ARID1B: variants seen among roughly 807,000 people sequenced by gnomAD.
The protein encoded by ARID1B is AT-rich interaction domain 1B, also known as AT-rich interactive domain-containing protein 1B.
In ARID1B, 30 loss-of-function variants were observed where a neutral mutation model predicts 212.3. That is an observed-to-expected ratio of 0.14 (90% CI 0.11 to 0.19). ARID1B has a LOEUF of 0.19. Among genes scored for constraint, ARID1B ranks in the 10% least tolerant of loss-of-function variants. The probability of loss-of-function intolerance (pLI) is 1.00; values close to 1 mark genes in which losing one functional copy is unlikely to be tolerated. For synonymous variants in ARID1B, 1,402 were observed against 1,301.7 expected, an observed-to-expected ratio of 1.08 and a Z score of -1.66; for missense variants, 2,891 against 3,204.0, an observed-to-expected ratio of 0.90 and a Z score of 2.36.
intron 5 of ARID1B, among the ~76,000 whole-genome samples, chr6:157,092,812 A>G (rs1347975890): frequency 6.6e-6 from 1 of 152,158 alleles, no homozygotes; most frequent in Non-Finnish European, 1.5e-5. Flanking sequence ...TCACCAAGGC[A>G]ATATTATGTG....
upstream of ARID1B, chr6:156,776,953 C>G (rs1158493773): frequency 1.3e-5 from 2 of 152,246 alleles, no homozygotes; most frequent in Non-Finnish European, 1.5e-5. Flanking sequence ...AGAGACCGTG[C>G]TTTTGCAGAT....
chr6:156,946,876 TA>T (rs1374271488), intron 4 of ARID1B, among the ~76,000 whole-genome samples: 1 of 152,210 alleles, frequency 6.6e-6, no homozygotes, highest in African/African-American at 2.4e-5. Context: ...CTGTAACATC[TA>T]AAAGGAAGCA....
chr6:157,111,738 G>A (rs373906370), intron 6 of ARID1B, among the ~76,000 whole-genome samples: 14 of 151,762 alleles, frequency 9.2e-5, no homozygotes, highest in East Asian at 5.8e-4. Context: ...TGTTTCAGAG[G>A]GATAAAATGA....
intron 6 of ARID1B, among the ~76,000 whole-genome samples, chr6:157,125,144 A>G (rs1788052348): frequency 6.6e-6 from 1 of 152,196 alleles, no homozygotes; most frequent in African/African-American, 2.4e-5. Flanking sequence ...TGAGGAGTCA[A>G]GAGACAGTGA....
chr6:156,786,001 C>T (rs1376972792), intron 1 of ARID1B, among the ~76,000 whole-genome samples: 1 of 152,056 alleles, frequency 6.6e-6, no homozygotes, highest in African/African-American at 2.4e-5. Context: ...CTTTTTGGAA[C>T]CTTTCTAAAG....
At chr6:157,112,350 G>C (rs1316927043) in intron 6 of ARID1B, among the ~76,000 whole-genome samples, 2 of 151,334 alleles carry the variant, frequency 1.3e-5, no homozygotes, top group Non-Finnish European at 3.0e-5. Flanking sequence ...AAGCAAGCGT[G>C]ATTCTTACTA....
chr6:157,031,267 C>T (rs1234547439), intron 4 of ARID1B, among the ~76,000 whole-genome samples: 1 of 152,068 alleles, frequency 6.6e-6, no homozygotes, highest in African/African-American at 2.4e-5. Flanking sequence ...TCTACTTTTC[C>T]TTAATGTAGG....
At chr6:156,848,561 G>A (rs1479524111) in intron 2 of ARID1B, among the ~76,000 whole-genome samples, 2 of 152,176 alleles carry the variant, frequency 1.3e-5, no homozygotes, top group African/African-American at 4.8e-5. Context: ...TAGTAATTAG[G>A]ATAACTCAGG....
intron 7 of ARID1B, chr6:157,140,769 C>T (rs1037520459): frequency 7.6e-6 from 3 of 396,996 alleles, no homozygotes; most frequent in Non-Finnish European, 1.3e-5. Flanking sequence ...CCTTGGGGTC[C>T]GCCTCTGACG....
chr6:156,891,368 A>G (rs761115166), intron 2 of ARID1B, among the ~76,000 whole-genome samples: 2 of 152,238 alleles, frequency 1.3e-5, no homozygotes, highest in Non-Finnish European at 2.9e-5. Flanking sequence ...CAAACACATA[A>G]AAATTAAGGA....
chr6:156,942,540 A>C (rs551453477), intron 4 of ARID1B: 32 of 152,296 alleles, frequency 2.1e-4, no homozygotes, highest in Admixed American at 1.8e-3. Context: ...AGAGCTTACA[A>C]GGAGCTCCAC....
At chr6:157,124,271 T>C (rs1219164534) in intron 6 of ARID1B, among the ~76,000 whole-genome samples, 2 of 152,208 alleles carry the variant, frequency 1.3e-5, no homozygotes, top group African/African-American at 4.8e-5. Context: ...GACCACATGT[T>C]TTTGGTTCTA....
chr6:156,828,256 C>T (rs905945346), intron 1 of ARID1B, among the ~76,000 whole-genome samples: 5 of 151,958 alleles, frequency 3.3e-5, no homozygotes, highest in Non-Finnish European at 5.9e-5. Flanking sequence ...GAGACAGGGT[C>T]TTGTGATGTT....
At chr6:156,932,145 A>AGGC (rs1554270211) in intron 3 of ARID1B, among the ~76,000 whole-genome samples, 3,584 of 61,262 alleles carry the variant, frequency 0.059, 101 homozygotes, top group Middle Eastern at 0.088. Context: ...AAAAAAAAAA[A>AGGC]GGGGGGGGGC....
intron 5 of ARID1B, among the ~76,000 whole-genome samples, chr6:157,098,517 T>C (rs1583303085): frequency 6.6e-6 from 1 of 152,230 alleles, no homozygotes; most frequent in South Asian, 2.1e-4. Flanking sequence ...ATTTTCAGCA[T>C]GGTAGTTGAT....
intron 2 of ARID1B, among the ~76,000 whole-genome samples, chr6:156,872,429 C>A (rs1435571295): frequency 2.0e-5 from 3 of 152,202 alleles, no homozygotes; most frequent in Non-Finnish European, 2.9e-5. Context: ...TCAAGTGATT[C>A]TCCTGCCTCA....
chr6:157,050,876 C>G (rs963289003), intron 4 of ARID1B, among the ~76,000 whole-genome samples: 4 of 152,146 alleles, frequency 2.6e-5, no homozygotes, highest in Admixed American at 2.0e-4. Flanking sequence ...TTAAATATTT[C>G]CCATTCACAC....
chr6:157,014,884 TAAAA>T (rs10601743), intron 4 of ARID1B, among the ~76,000 whole-genome samples: 1 of 142,116 alleles, frequency 7.0e-6, no homozygotes, highest in Non-Finnish European at 1.6e-5. Flanking sequence ...ATGCCAGGAA[TAAAA>T]AAAAAAAAAG....
chr6:157,191,987 A>G (rs1476846299), intron 15 of ARID1B, among the ~76,000 whole-genome samples: 1 of 152,234 alleles, frequency 6.6e-6, no homozygotes, highest in East Asian at 1.9e-4. Flanking sequence ...ATACCATTTA[A>G]AAATGAAATT....
Sources: allele counts gnomAD v4.1 joint callset (sites outside exome capture counted in the v4.1 genomes callset), GRCh38; gene constraint gnomAD v4.1.1; transcripts MANE v1.5; gene names NCBI Gene and HGNC (gene_info 2026-07-23, HGNC 2026-07-21).